The following FRAS1 variants were observed in gnomAD, a reference collection of about 807,000 sequenced individuals.
The protein encoded by FRAS1 is Fraser extracellular matrix complex subunit 1.
Under a neutral mutation model 435.2 loss-of-function variants are expected in FRAS1, and 290 were observed. That is an observed-to-expected ratio of 0.67 (90% confidence interval 0.61 to 0.73). The LOEUF (loss-of-function observed/expected upper bound fraction) is 0.73. Ranked by LOEUF, FRAS1 falls within the 30% of genes least tolerant of loss-of-function variation. The probability of loss-of-function intolerance (pLI) is 0.00; values close to 1 mark genes in which losing one functional copy is unlikely to be tolerated. For missense variants in FRAS1, 4,860 were observed against 5,001.5 expected, an observed-to-expected ratio of 0.97 and a Z score of 0.85; for synonymous variants, 1,800 against 1,851.0, an observed-to-expected ratio of 0.97 and a Z score of 0.71.
intron 6 of FRAS1, among the ~76,000 whole-genome samples, chr4:78,264,093 C>A (rs1407914892): frequency 6.6e-6 from 1 of 152,216 alleles, no homozygotes; most frequent in Non-Finnish European, 1.5e-5. Flanking sequence ...TCTACCACTT[C>A]TTAGTTATTG....
chr4:78,445,772 A>C (rs752642254), intron 42 of FRAS1, 60 bp downstream of exon 42: 1 of 1,569,800 alleles, frequency 6.4e-7, no homozygotes, highest in Admixed American at 1.8e-5. Flanking sequence ...ACACCATTAG[A>C]GAGCTTTCTT....
chr4:78,129,787 G>C (rs1227241158), intron 2 of FRAS1, among the ~76,000 whole-genome samples: 1 of 152,030 alleles, frequency 6.6e-6, no homozygotes, highest in Admixed American at 6.6e-5. Flanking sequence ...ATCTGAGGCC[G>C]AGGTCCAAAT....
chr4:78,513,532 A>G lies in FRAS1; in HGVS notation c.10154A>G (p.Tyr3385Cys). ...GTCTGCTCCAATTTAGTTACCACCT[A>G]TGACCTGAGAGGCATCTCAGGTGAG... ...QHVCSNLVTT[Y>C]DLRGISEAGF... is the part of the protein sequence containing the mutation. Residue 3385 changes from tyrosine (Y) to cysteine (C), a missense_variant, in exon 65 of 74, where the codon TAT (tyrosine) becomes TGT (cysteine). Transcript: ENST00000512123. 3.1e-6 allele frequency: 5 copies of G among 1,613,742 alleles called. No homozygotes were observed. Among genetic ancestry groups the G allele is most frequent in the South Asian group, 1.1e-5 (1 of 91,076 alleles).
intron 29 of FRAS1, among the ~76,000 whole-genome samples, chr4:78,395,859 G>A (rs528660306): frequency 6.6e-6 from 1 of 152,094 alleles, no homozygotes; most frequent in South Asian, 2.1e-4. Flanking sequence ...ACATTTAATT[G>A]TTGATAGGTA....
intron 47 of FRAS1, 79 bp downstream of exon 47, chr4:78,452,433 T>A (rs548095125): frequency 1.4e-5 from 15 of 1,083,522 alleles, no homozygotes; most frequent in Non-Finnish European, 2.0e-5. Flanking sequence ...TCATGTATCA[T>A]GTATACCTAG....
At chr4:78,293,599 C>CA (rs1267858263) in intron 14 of FRAS1, among the ~76,000 whole-genome samples, 1 of 152,132 alleles carries the variant, frequency 6.6e-6, no homozygotes, top group Non-Finnish European at 1.5e-5. Context: ...CAACTGTCTT[C>CA]AAAACTTGGG....
At chr4:78,453,951 G>A (rs1420674641) in intron 47 of FRAS1, among the ~76,000 whole-genome samples, 3 of 152,138 alleles carry the variant, frequency 2.0e-5, no homozygotes, top group African/African-American at 4.8e-5. Flanking sequence ...AAAAATGGGG[G>A]AAGTTCCTGC....
intron 30 of FRAS1, among the ~76,000 whole-genome samples, chr4:78,406,849 G>A (rs1212404163): frequency 2.0e-5 from 3 of 152,152 alleles, no homozygotes; most frequent in Admixed American, 2.0e-4. Context: ...GCTATTACAA[G>A]TTGAGCATCC....
At chr4:78,236,526 A>G (rs1724771656) in intron 2 of FRAS1, among the ~76,000 whole-genome samples, 1 of 152,092 alleles carries the variant, frequency 6.6e-6, no homozygotes, top group Non-Finnish European at 1.5e-5. Flanking sequence ...GCTGCTTTCA[A>G]CTCTAATAGG....
intron 2 of FRAS1, among the ~76,000 whole-genome samples, chr4:78,095,199 T>G (rs749598528): frequency 2.0e-5 from 3 of 152,230 alleles, no homozygotes; most frequent in Non-Finnish European, 4.4e-5. Context: ...AATTCTATGC[T>G]CAAGTACAGT....
chr4:78,379,672 A>T, intron 26 of FRAS1, 54 bp from the exon 27 acceptor site: 1 of 1,532,878 alleles, frequency 6.5e-7, no homozygotes, highest in Non-Finnish European at 8.8e-7. Flanking sequence ...GGGGAAAGTG[A>T]CCTAATTAGT....
At position 78,521,507 on chromosome 4, in the gene FRAS1, C is replaced by G. The variant is rs755538458; in HGVS notation, c.10541-16C>G. The G allele has an allele frequency of 2.5e-6, 4 of 1,597,778 alleles. No homozygotes were observed. In the Admixed American group the frequency reaches 6.8e-5, roughly 27 times the overall value. ...TTTTCCATGCCCTAGCATTTTCTCT[C>G]TGCTTTCCTGCCCAGGAATCCAGAC... On this transcript the variant is annotated splice_polypyrimidine_tract_variant and intron_variant, in intron 67 of 73. Coordinates refer to ENST00000512123, the MANE Select transcript of FRAS1 (RefSeq NM_025074.7).
rs190371867 is a variant in FRAS1, at chr4:78,124,642, C to T, written c.108+58626C>T. ...GTTGGTAGGCTATTAATTATTGCCTCCATTTCAGAGTGTGTTTCTGATCTA... is the reference window on the plus strand; with the variant it reads ...GTTGGTAGGCTATTAATTATTGCCTTCATTTCAGAGTGTGTTTCTGATCTA... On this transcript the variant is annotated intron_variant, in intron 2 of 73. Coordinates refer to ENST00000512123, the MANE Select transcript of FRAS1 (RefSeq NM_025074.7). 2.3e-4 allele frequency among the ~76,000 whole-genome samples: 35 copies of T among 152,220 alleles called. No homozygotes were observed. In the East Asian group the frequency reaches 6.6e-3, roughly 29 times the overall value.
chr4:78,390,488 CTT>C (rs1157341298), intron 29 of FRAS1, among the ~76,000 whole-genome samples: 3 of 152,172 alleles, frequency 2.0e-5, no homozygotes, highest in Non-Finnish European at 4.4e-5. Flanking sequence ...CCATGAGACT[CTT>C]TTCATTCCAG....
chr4:78,257,084 T>G (rs935711277), intron 6 of FRAS1, among the ~76,000 whole-genome samples: 8 of 152,298 alleles, frequency 5.3e-5, no homozygotes, highest in African/African-American at 1.7e-4. Flanking sequence ...TATAAGAGCT[T>G]GTAAATTCTT....
intron 6 of FRAS1, among the ~76,000 whole-genome samples, chr4:78,258,124 T>G (rs115347465): frequency 0.026 from 3,999 of 152,158 alleles, 185 homozygotes; most frequent in African/African-American, 0.091. Context: ...GTGAATTGCT[T>G]GAGCCCAGGA....
rs150646174 is a variant in FRAS1, at chr4:78,223,385, T to A, written c.109-14125T>A. On this transcript the variant is annotated intron_variant, in intron 2 of 73. Transcript: ENST00000512123. ...GCCCATTTTGTAAACTAGTTATGAATGAGGAAAGGTTTACATGTCTGTAAA... is the reference window on the plus strand; with the variant it reads ...GCCCATTTTGTAAACTAGTTATGAAAGAGGAAAGGTTTACATGTCTGTAAA... 1.6e-3 allele frequency among the ~76,000 whole-genome samples: 247 copies of A among 152,242 alleles called. 1 individual carries two copies. Among genetic ancestry groups the A allele is most frequent in the African/African-American group, 5.8e-3 (239 of 41,538 alleles).
rs900309721 is a variant in FRAS1 at position 78,513,054 on chromosome 4, A to G, written c.10014-338A>G. 2.0e-5 allele frequency among the ~76,000 whole-genome samples: 3 copies of G among 152,238 alleles called. No homozygotes were observed. The East Asian group carries it at 5.8e-4, about 29-fold the overall frequency. On this transcript the variant is annotated intron_variant, in intron 64 of 73. Coordinates refer to ENST00000512123, the MANE Select transcript of FRAS1 (RefSeq NM_025074.7). Reference sequence around the variant, plus strand: ...GGGAACAGGCCCTCTCTAGTCACTCAGCTTTAGCTCCTGAAATAACAGAGT... The same window carrying G: ...GGGAACAGGCCCTCTCTAGTCACTCGGCTTTAGCTCCTGAAATAACAGAGT...
chr4:78,477,558 C>T (rs1719887212), intron 54 of FRAS1, among the ~76,000 whole-genome samples: 2 of 152,150 alleles, frequency 1.3e-5, no homozygotes, highest in Admixed American at 6.5e-5. Context: ...TGTTTTTCTC[C>T]AGTCACCAAT....
Sources: allele counts gnomAD v4.1 joint callset (sites outside exome capture counted in the v4.1 genomes callset), GRCh38; gene constraint gnomAD v4.1.1; transcripts MANE v1.5; gene names NCBI Gene and HGNC (gene_info 2026-07-23, HGNC 2026-07-21).